Variants in CHTF18 observed in about 807,000 individuals in gnomAD.
CHTF18 encodes chromosome transmission fidelity factor 18.
In CHTF18, 151 loss-of-function variants were observed where a neutral mutation model predicts 113.4. The ratio of observed to expected loss-of-function variants is 1.33; its 90% CI spans 1.17 to 1.52. The LOEUF (loss-of-function observed/expected upper bound fraction) is 1.52, where lower values mean the gene tolerates loss of function less well. CHTF18 is among the 40% of genes most tolerant of loss of function. The pLI is 0.00. For synonymous variants in CHTF18, 916 were observed against 598.8 expected (o/e 1.53, Z -7.74); for missense variants, 1,982 against 1,381.6 (o/e 1.43, Z -6.89).
At chr16:794,883 C>G in intron 15 of CHTF18, 1 of 523,794 alleles carries the variant, frequency 1.9e-6, no homozygotes, top group Non-Finnish European at 3.4e-6. Flanking sequence ...TCAAGTCAGT[C>G]TCTGTCAAGC....
chr16:789,482 G>C, intron 3 of CHTF18, 65 bp from the exon 4 acceptor site: 1 of 1,545,398 alleles, frequency 6.5e-7, no homozygotes, highest in South Asian at 1.2e-5. Context: ...AGCAGTCTCG[G>C]ACACCCATAT....
chr16:791,321 A>T lies in CHTF18; in HGVS notation c.1055A>T (p.Glu352Val). The T allele has an allele frequency of 5.6e-6, 9 of 1,610,188 alleles. No individual in the cohort carries two copies. The highest frequency in any genetic ancestry group is 7.6e-6 in the Non-Finnish European group (9 of 1,179,546). The change falls in exon 8 of 22, where the codon GAG (glutamate) becomes GTG (valine). Residue 352 changes from glutamate to valine, a missense_variant. Coordinates refer to ENST00000262315, the MANE Select transcript of CHTF18 (RefSeq NM_022092.3). ...GKWKSHEQVL[E>V]EMLEAGLDPS... ...TGGAAGAGCCACGAACAGGTGCTGG[A>T]GGAGATGCTGGAGGCTGGGCTGGAC...
In CHTF18 at chr16:796,039, G is replaced by A. The variant is rs1165111075; in HGVS notation, c.2418G>A (p.Glu806=). Residue 806 remains glutamate (E), a synonymous_variant, in exon 18 of 22, where the codon GAG becomes GAA. Transcript: ENST00000262315. ...MLAYSLTYRQ[E]RTPDGQYIYR... ...CTTACAGCCTGACCTACCGCCAGGAGCGCACGCCCGATGGCCAGTACATCT... is the reference window on the plus strand; with the variant it reads ...CTTACAGCCTGACCTACCGCCAGGAACGCACGCCCGATGGCCAGTACATCT... 3 of 1,605,096 alleles carry A rather than the reference G, an allele frequency of 1.9e-6. No individual in the cohort carries two copies. Among genetic ancestry groups the A allele is most frequent in the South Asian group, 1.1e-5 (1 of 89,482 alleles).
Position 788,959 on chromosome 16 carries a change from C to A in CHTF18, c.120C>A (p.Val40=), listed in dbSNP as rs890434491. The A allele has an allele frequency of 1.9e-6, 3 of 1,568,476 alleles. No homozygotes were observed. Among genetic ancestry groups the A allele is most frequent in the Non-Finnish European group, 1.7e-6 (2 of 1,165,270 alleles). ...EGASTPSPSG[V]PLFTAGRPPR... ...CGTCGACTCCGTCGCCCTCCGGGGTCCCCCTGTTCACCGCGGGCCGACCCC... is the reference window on the plus strand; with the variant it reads ...CGTCGACTCCGTCGCCCTCCGGGGTACCCCTGTTCACCGCGGGCCGACCCC... The change falls in exon 2 of 22, where the codon GTC becomes GTA. Residue 40 remains valine, a synonymous_variant. Coordinates refer to ENST00000262315, the MANE Select transcript of CHTF18 (RefSeq NM_022092.3).
Position 794,088 on chromosome 16 carries a change from G to C in CHTF18, c.1837G>C (p.Asp613His). 1 of 1,612,324 alleles carries C rather than the reference G, an allele frequency of 6.2e-7. No individual in the cohort carries two copies. The highest frequency in any genetic ancestry group is 8.5e-7 in the Non-Finnish European group (1 of 1,179,734). ...GGGCCAGGACCCCGCCCTGCCTGCT[G>C]ACACACTCCTGCTGGGTGACGGGGA... ...RVGQDPALPA[D>H]TLLLGDGDAG... The change falls in exon 15 of 22, where the codon GAC becomes CAC. Residue 613 changes from aspartate to histidine, a missense_variant. Transcript: ENST00000262315.
At position 795,212 on chromosome 16, in the gene CHTF18, C is replaced by G. The variant is rs1176339522; in HGVS notation, c.2031C>G (p.Ala677=). The change falls in exon 16 of 22, where the codon GCC becomes GCG. Residue 677 remains alanine (A), a synonymous_variant. Transcript: ENST00000262315. The part of the protein sequence containing the change: ...GAVCVALDWL[A]FDDLLAGAAH... ...TGTGTGTGGCCCTCGACTGGCTGGC[C>G]TTCGATGACCTGCTGGCGGGGGCTG... 1.9e-6 allele frequency: 3 copies of G among 1,554,950 alleles called. No homozygotes were observed. The highest frequency in any genetic ancestry group is 2.6e-6 in the Non-Finnish European group (3 of 1,149,570).
chr16:789,639 A>T lies in CHTF18; in HGVS notation c.530A>T (p.Tyr177Phe), dbSNP rs745906730. The T allele has an allele frequency of 6.2e-7, 1 of 1,607,206 alleles. No homozygotes were observed. The highest frequency in any genetic ancestry group is 8.5e-7 in the Non-Finnish European group (1 of 1,179,750). Reference protein sequence around the residue: ...VLRRPPILEDYVHVTSTEGVR... With the variant: ...VLRRPPILEDFVHVTSTEGVR... ...AGGCGGCCCCCCATCTTGGAGGACT[A>T]CGTCCACGTGACATCCACGGAGGGC... The change falls in exon 4 of 22, where the codon TAC becomes TTC. Residue 177 changes from tyrosine (Y) to phenylalanine (F), a missense_variant. By Grantham distance (22) the Tyr-to-Phe change is conservative (BLOSUM62 3). Coordinates refer to ENST00000262315, the MANE Select transcript of CHTF18 (RefSeq NM_022092.3).
intron 6 of CHTF18, 62 bp downstream of exon 6, chr16:790,461 C>A: frequency 6.2e-7 from 1 of 1,610,128 alleles, no homozygotes; most frequent in South Asian, 1.1e-5. Flanking sequence ...ACTCCTAGCT[C>A]CTAGCGTGTG....
Position 792,752 on chromosome 16 carries a change from G to C in CHTF18, c.1513G>C (p.Ala505Pro). 1 of 1,552,226 alleles carries C rather than the reference G, an allele frequency of 6.4e-7. No individual in the cohort carries two copies. Among genetic ancestry groups the C allele is most frequent in the Non-Finnish European group, 8.7e-7 (1 of 1,153,222 alleles). Residue 505 changes from alanine (A) to proline (P), a missense_variant, in exon 12 of 22, where the codon GCC becomes CCC. By Grantham distance (27) the Ala-to-Pro change is conservative. Coordinates refer to ENST00000262315, the MANE Select transcript of CHTF18 (RefSeq NM_022092.3). ...APSLRQLKQQAFLLHFPPTLP... is the reference protein window; with the variant it reads ...APSLRQLKQQPFLLHFPPTLP... The stretch of plus-strand genomic sequence containing the variant: ...GTCCCTGCGGCAGCTGAAGCAGCAG[G>C]CCTTCCTGCTCCACTTCCCGCCGAC...
Position 797,208 on chromosome 16 carries a change from G to A in CHTF18, c.2733+116G>A, listed in dbSNP as rs147491946. 10,198 of 1,285,474 alleles carry A rather than the reference G, an allele frequency of 7.9e-3. 60 individuals carry two copies. The highest frequency in any genetic ancestry group is 0.016 in the Middle Eastern group (56 of 3,538). The allele number at this position is 1,285,474 out of a possible 1,614,324, so 79.6% of individuals were successfully genotyped here. On this transcript the variant is annotated intron_variant, in intron 20 of 21. Coordinates refer to ENST00000262315, the MANE Select transcript of CHTF18 (RefSeq NM_022092.3). The stretch of plus-strand genomic sequence containing the variant: ...TGGGGTGGGGCCAGGGTACCTTTGT[G>A]GGTGTGGCTAGGGCCCCTCATGAGG...
In CHTF18 at chr16:788,965, G is replaced by A; in HGVS notation, c.126G>A (p.Leu42=). Residue 42 remains leucine (L), a synonymous_variant, in exon 2 of 22, where the codon CTG becomes CTA. Coordinates refer to ENST00000262315, the MANE Select transcript of CHTF18 (RefSeq NM_022092.3). ...CTCCGTCGCCCTCCGGGGTCCCCCT[G>A]TTCACCGCGGGCCGACCCCCGCGGA... is the stretch of plus-strand genomic sequence containing the variant. The part of the protein sequence containing the change: ...ASTPSPSGVP[L]FTAGRPPRTF... 1 of 1,570,602 alleles carries A rather than the reference G, an allele frequency of 6.4e-7. No homozygotes were observed. The highest frequency in any genetic ancestry group is 8.6e-7 in the Non-Finnish European group (1 of 1,165,906).
At chr16:790,776 G>C in intron 7 of CHTF18, 110 bp downstream of exon 7, 1 of 1,438,032 alleles carries the variant, frequency 7.0e-7, no homozygotes, top group Non-Finnish European at 9.1e-7. Context: ...CGGAGACGGA[G>C]TGGGCTCTGG....
At chr16:789,841 G>C in intron 4 of CHTF18, 126 bp downstream of exon 4, 3 of 1,328,094 alleles carry the variant, frequency 2.3e-6, no homozygotes, top group Non-Finnish European at 3.1e-6. Context: ...GGTGCAGAGG[G>C]GGAGGCTGCG....
Position 794,132 on chromosome 16 carries a change from C to T in CHTF18, c.1881C>T (p.Ser627=), listed in dbSNP as rs367939127. 6.8e-5 allele frequency: 109 copies of T among 1,612,454 alleles called. No individual in the cohort carries two copies. The highest frequency in any genetic ancestry group is 4.0e-4 in the African/African-American group (30 of 75,032). The change falls in exon 15 of 22, where the codon TCC becomes TCT. Residue 627 remains serine, a synonymous_variant. Coordinates refer to ENST00000262315, the MANE Select transcript of CHTF18 (RefSeq NM_022092.3). ...LGDGDAGSLT[S]ASQRFYRVLH... Reference sequence around the variant, plus strand: ...ACGGGGACGCGGGCTCCCTCACCTCCGCCTCACAGCGATTCTACCGTGTCC... The same window carrying T: ...ACGGGGACGCGGGCTCCCTCACCTCTGCCTCACAGCGATTCTACCGTGTCC...
At position 789,298 on chromosome 16, in the gene CHTF18, C is replaced by T. The variant is rs759427383; in HGVS notation, c.375C>T (p.Ser125=). 7 of 1,594,048 alleles carry T rather than the reference C, an allele frequency of 4.4e-6. No homozygotes were observed. The highest frequency in any genetic ancestry group is 2.3e-5 in the South Asian group (2 of 88,104). ...EEMEEPPPPD[S]SPTDITPPPS... ...TGGAGGAGCCGCCCCCTCCCGACTC[C>T]TCGCCGACGGACATCACCCCGCCGC... The change falls in exon 3 of 22, where the codon TCC becomes TCT. Residue 125 remains serine (S), a synonymous_variant. Transcript: ENST00000262315.
At chr16:792,026 G>A (rs749932239) in intron 9 of CHTF18, 78 bp downstream of exon 9, 5 of 1,551,578 alleles carry the variant, frequency 3.2e-6, no homozygotes, top group Non-Finnish European at 3.5e-6. Context: ...CTGAAACCGG[G>A]TGTGGATGTT....
chr16:789,865 A>G (rs763273003), intron 4 of CHTF18, 150 bp downstream of exon 4: 48 of 1,326,124 alleles, frequency 3.6e-5, no homozygotes, highest in Non-Finnish European at 4.7e-5. Flanking sequence ...TGGGGCGTAG[A>G]CTTAGAGGAC....
Position 796,841 on chromosome 16 carries a change from C to G in CHTF18, c.2581C>G (p.Arg861Gly), listed in dbSNP as rs201112333. The stretch of plus-strand genomic sequence containing the variant: ...GATGCGGCGGGCGGAGGCTTCTGCC[C>G]GGGTAGAGAACAGCCCCCAGGTGAG... ...EKMRRAEASARVENSPQVDGS... is the reference protein window; with the variant it reads ...EKMRRAEASAGVENSPQVDGS... The change falls in exon 19 of 22, where the codon CGG becomes GGG. Residue 861 changes from arginine to glycine, a missense_variant. Arg to Gly is a moderately radical substitution (Grantham distance 125). Transcript: ENST00000262315. 1.2e-6 allele frequency: 2 copies of G among 1,606,186 alleles called. No homozygotes were observed.
chr16:794,109 G>C lies in CHTF18; in HGVS notation c.1858G>C (p.Gly620Arg), dbSNP rs777573884. 4 of 1,612,252 alleles carry C rather than the reference G, an allele frequency of 2.5e-6. No individual in the cohort carries two copies. Among genetic ancestry groups the C allele is most frequent in the Non-Finnish European group, 3.4e-6 (4 of 1,179,720 alleles). The change falls in exon 15 of 22, where the codon GGG (glycine) becomes CGG (arginine). Residue 620 changes from glycine to arginine, a missense_variant. By Grantham distance (125) the Gly-to-Arg change is moderately radical. Coordinates refer to ENST00000262315, the MANE Select transcript of CHTF18 (RefSeq NM_022092.3). ...LPADTLLLGD[G>R]DAGSLTSASQ... ...TGCTGACACACTCCTGCTGGGTGAC[G>C]GGGACGCGGGCTCCCTCACCTCCGC...
Sources: allele counts gnomAD v4.1 joint callset, GRCh38; gene constraint gnomAD v4.1.1; transcripts MANE v1.5; gene names NCBI Gene and HGNC (gene_info 2026-07-23, HGNC 2026-07-21).